NRXN1: variants seen among roughly 807,000 people sequenced by gnomAD.
The protein encoded by NRXN1 is neurexin 1.
NRXN1 carries 39 observed loss-of-function variants against 150.9 expected under a neutral mutation model. The ratio of observed to expected loss-of-function variants is 0.26; its 90% CI spans 0.20 to 0.34. NRXN1 has a LOEUF of 0.34. NRXN1 is among the 10% of genes least tolerant of loss of function. The probability of loss-of-function intolerance (pLI) is 1.00; values close to 1 mark genes in which losing one functional copy is unlikely to be tolerated. For missense variants in NRXN1, 1,815 were observed against 1,949.9 expected (o/e 0.93, Z 1.30); for synonymous variants, 924 against 757.0 (o/e 1.22, Z -3.62).
At chr2:50,235,819 G>A (rs906440428) in intron 18 of NRXN1, among the ~76,000 whole-genome samples, 7 of 151,882 alleles carry the variant, frequency 4.6e-5, no homozygotes, top group Non-Finnish European at 2.9e-5. Context: ...AAGAGGATGG[G>A]GAGACTTACC....
intron 9 of NRXN1, among the ~76,000 whole-genome samples, chr2:50,545,491 G>C (rs2093474260): frequency 6.6e-6 from 1 of 152,132 alleles, no homozygotes. Flanking sequence ...CTGCCCCTTA[G>C]CTAGGCAAGC....
chr2:50,752,946 C>A (rs963521058), intron 5 of NRXN1, among the ~76,000 whole-genome samples: 3 of 151,902 alleles, frequency 2.0e-5, no homozygotes, highest in Non-Finnish European at 2.9e-5. Flanking sequence ...TAATTAGATG[C>A]ATTTAATTCT....
chr2:50,954,227 A>G (rs1263357822), intron 2 of NRXN1, among the ~76,000 whole-genome samples: 1 of 152,210 alleles, frequency 6.6e-6, no homozygotes, highest in African/African-American at 2.4e-5. Flanking sequence ...TCTTTCTTCA[A>G]ATGAAAGTCA....
At chr2:50,883,547 G>C (rs374216115) in intron 5 of NRXN1, among the ~76,000 whole-genome samples, 1 of 151,452 alleles carries the variant, frequency 6.6e-6, no homozygotes, top group Non-Finnish European at 1.5e-5. Context: ...GAATTGCTCA[G>C]CAACACTAAT....
chr2:50,456,599 TA>T (rs989575188), intron 17 of NRXN1, among the ~76,000 whole-genome samples: 2 of 152,108 alleles, frequency 1.3e-5, no homozygotes, highest in African/African-American at 2.4e-5. Flanking sequence ...TTCACAGTAA[TA>T]TTTTTTTTCC....
intron 5 of NRXN1, among the ~76,000 whole-genome samples, chr2:50,833,056 CA>C (rs1352804505): frequency 6.6e-6 from 1 of 152,024 alleles, no homozygotes; most frequent in East Asian, 1.9e-4. Context: ...GGCAAATAAA[CA>C]CAGGAAAAAA....
chr2:50,863,817 C>T (rs1676486899), intron 5 of NRXN1, among the ~76,000 whole-genome samples: 1 of 151,990 alleles, frequency 6.6e-6, no homozygotes, highest in Non-Finnish European at 1.5e-5. Flanking sequence ...TAAAAGCCCA[C>T]TGATCTACCA....
chr2:49,963,360 G>C lies in NRXN1; in HGVS notation c.4129-19569C>G, dbSNP rs114571719. ...AGTAGATGCCACTAGCAGAGTTCTGGTGTAGGCAAAGTAGAAGAAAAGAGG... is the reference window on the plus strand; with the variant it reads ...AGTAGATGCCACTAGCAGAGTTCTGCTGTAGGCAAAGTAGAAGAAAAGAGG... On this transcript the variant is annotated intron_variant, in intron 21 of 22. Transcript: ENST00000401669. Among the ~76,000 whole-genome samples, 1,228 of 152,274 alleles carry C rather than the reference G, an allele frequency of 8.1e-3. 12 individuals carry two copies. The highest frequency in any genetic ancestry group is 0.028 in the African/African-American group (1,180 of 41,550).
chr2:50,653,344 T>C (rs866489535), intron 5 of NRXN1, among the ~76,000 whole-genome samples: 1 of 152,070 alleles, frequency 6.6e-6, no homozygotes, highest in Non-Finnish European at 1.5e-5. Flanking sequence ...AACAACCTGA[T>C]TGGCTGCAGT....
intron 18 of NRXN1, among the ~76,000 whole-genome samples, chr2:50,189,845 T>A (rs56736965): frequency 0.019 from 2,932 of 152,278 alleles, 98 homozygotes; most frequent in African/African-American, 0.067. Flanking sequence ...ATTTTAAGCA[T>A]TAATTTGGTT....
chr2:50,233,419 T>G (rs1235565592), intron 18 of NRXN1, among the ~76,000 whole-genome samples: 1 of 152,100 alleles, frequency 6.6e-6, no homozygotes, highest in African/African-American at 2.4e-5. Flanking sequence ...CCAACATTTT[T>G]ATTCTGAAAA....
chr2:50,413,019 T>C (rs547183732), intron 17 of NRXN1, among the ~76,000 whole-genome samples: 35 of 152,136 alleles, frequency 2.3e-4, no homozygotes, highest in Non-Finnish European at 4.4e-4. Flanking sequence ...GGACATTTTT[T>C]TGGGCAAAAC....
At chr2:50,093,473 GA>G (rs11413489) in intron 18 of NRXN1, among the ~76,000 whole-genome samples, 1 of 141,026 alleles carries the variant, frequency 7.1e-6, no homozygotes, top group Non-Finnish European at 1.5e-5. Flanking sequence ...AAAAGAAAAA[GA>G]AAAAAAAAAG....
At chr2:50,804,712 T>C (rs1211382045) in intron 5 of NRXN1, among the ~76,000 whole-genome samples, 7 of 152,124 alleles carry the variant, frequency 4.6e-5, no homozygotes, top group Admixed American at 4.6e-4. Flanking sequence ...TTTTTGCTGA[T>C]TTCCTTCCTA....
At chr2:50,480,582 C>G (rs1052332908) in intron 15 of NRXN1, among the ~76,000 whole-genome samples, 1 of 152,144 alleles carries the variant, frequency 6.6e-6, no homozygotes, top group South Asian at 2.1e-4. Context: ...GTGCTCTGCT[C>G]TAGTGAGTTT....
chr2:50,944,802 A>C (rs748652466), intron 2 of NRXN1, among the ~76,000 whole-genome samples: 1 of 152,204 alleles, frequency 6.6e-6, no homozygotes, highest in Non-Finnish European at 1.5e-5. Context: ...CTCTAGCAGC[A>C]ATAATTAACC....
intron 21 of NRXN1, among the ~76,000 whole-genome samples, chr2:50,012,424 T>A (rs958553835): frequency 6.6e-6 from 1 of 152,134 alleles, no homozygotes; most frequent in Non-Finnish European, 1.5e-5. Context: ...TACAAAATAT[T>A]AGTCATGGTG....
intron 8 of NRXN1, among the ~76,000 whole-genome samples, chr2:50,596,033 G>C (rs1343114691): frequency 2.0e-5 from 3 of 152,118 alleles, no homozygotes; most frequent in Non-Finnish European, 2.9e-5. Flanking sequence ...TTCCTAGCTA[G>C]AGTAGACTGG....
At chr2:50,957,023 G>A (rs896123227) in intron 2 of NRXN1, among the ~76,000 whole-genome samples, 6 of 152,166 alleles carry the variant, frequency 3.9e-5, no homozygotes, top group Non-Finnish European at 7.3e-5. Flanking sequence ...ATGAAAGATG[G>A]AATTGGGAGT....
Sources: gnomAD v4.1 joint callset for allele counts (sites outside exome capture counted in the v4.1 genomes callset) on GRCh38, gnomAD v4.1.1 for gene constraint, MANE v1.5 for transcripts, NCBI Gene and HGNC (gene_info 2026-07-23, HGNC 2026-07-21) for gene names.